The following SLC5A9 variants were observed in gnomAD, a reference collection of about 807,000 sequenced individuals.
SLC5A9 encodes the protein solute carrier family 5 member 9.
In SLC5A9, 59 loss-of-function variants were observed where a neutral mutation model predicts 70.9. That is an observed-to-expected ratio of 0.83 (90% CI 0.68 to 1.03). The LOEUF (loss-of-function observed/expected upper bound fraction) is 1.03, where lower values mean the gene tolerates loss of function less well. SLC5A9 is among the 50% of genes least tolerant of loss of function. SLC5A9 has a pLI of 0.00. For synonymous variants in SLC5A9, 340 were observed against 346.5 expected (o/e 0.98, Z 0.21); for missense variants, 832 against 881.1 (o/e 0.94, Z 0.71).
At position 48,239,642 on chromosome 1, in the gene SLC5A9, G is replaced by C; in HGVS notation, c.1677+105G>C. The C allele has an allele frequency of 1.9e-6, 2 of 1,078,452 alleles. No homozygotes were observed. Among genetic ancestry groups the C allele is most frequent in the South Asian group, 2.8e-5 (2 of 71,614 alleles). The allele number at this position is 1,078,452 out of a possible 1,614,324, so 66.8% of individuals were successfully genotyped here. Reference sequence around the variant, plus strand: ...ACTCTGTTGGGTTATGGTCTCCCCTGTGGCCACACAGATGTCCTTGGGAGG... The same window carrying C: ...ACTCTGTTGGGTTATGGTCTCCCCTCTGGCCACACAGATGTCCTTGGGAGG... On this transcript the variant is annotated intron_variant, in intron 12 of 13. Coordinates refer to ENST00000438567, the MANE Select transcript of SLC5A9 (RefSeq NM_001011547.3). The surrounding 1 kb of genome is among the most constrained non-coding windows in gnomAD (Gnocchi z 4.2).
chr1:48,229,777 G>A (rs1644222030), intron 4 of SLC5A9, among the ~76,000 whole-genome samples: 1 of 152,128 alleles, frequency 6.6e-6, no homozygotes. Flanking sequence ...GAGTTAGAAA[G>A]GTCTTTAGTC....
At chr1:48,244,497 A>G (rs1157450372) in intron 13 of SLC5A9, among the ~76,000 whole-genome samples, 1 of 151,790 alleles carries the variant, frequency 6.6e-6, no homozygotes, top group Non-Finnish European at 1.5e-5. Flanking sequence ...AATCCCACCA[A>G]GGTCTAAGGC....
At chr1:48,236,778 G>GC (rs1228779039) in intron 10 of SLC5A9, among the ~76,000 whole-genome samples, 1 of 152,126 alleles carries the variant, frequency 6.6e-6, no homozygotes, top group Non-Finnish European at 1.5e-5. Flanking sequence ...CCTACTGCTT[G>GC]CTCATCTGTG....
chr1:48,231,683 C>T, intron 6 of SLC5A9, 58 bp downstream of exon 6: 1 of 1,593,428 alleles, frequency 6.3e-7, no homozygotes, highest in Non-Finnish European at 8.5e-7. Context: ...TCTGTCCTGT[C>T]TCTGCCACCT....
intron 13 of SLC5A9, 81 bp downstream of exon 13, chr1:48,242,697 G>T: frequency 7.7e-7 from 1 of 1,293,612 alleles, no homozygotes; most frequent in Non-Finnish European, 1.0e-6. Flanking sequence ...CTTTGGGATG[G>T]GGACTCTGAG....
At chr1:48,234,845 G>A (rs1349314879) in intron 9 of SLC5A9, among the ~76,000 whole-genome samples, 1 of 152,106 alleles carries the variant, frequency 6.6e-6, no homozygotes, top group Admixed American at 6.5e-5. Flanking sequence ...AAGGGTCTCA[G>A]GTAGCCCTAA....
At position 48,235,889 on chromosome 1, in the gene SLC5A9, C is replaced by T; in HGVS notation, c.1292+10C>T. The T allele has an allele frequency of 3.1e-6, 5 of 1,614,044 alleles. No individual in the cohort carries two copies. Among genetic ancestry groups the T allele is most frequent in the Non-Finnish European group, 2.5e-6 (3 of 1,179,976 alleles). The stretch of plus-strand genomic sequence containing the variant: ...TGATGGTGGTGGGCAGGTGCGCCGG[C>T]CCCTCCTTCCCTCCTTCCGAAGTGC... On this transcript the variant is annotated intron_variant, in intron 10 of 13. Transcript: ENST00000438567.
rs566215874 is a variant in SLC5A9 at position 48,231,849 on chromosome 1, G to C, written c.692-97G>C. The C allele has an allele frequency of 8.9e-6, 14 of 1,576,198 alleles. No homozygotes were observed. In the African/African-American group the frequency reaches 1.7e-4, roughly 20 times the overall value. On this transcript the variant is annotated intron_variant, in intron 6 of 13. Coordinates refer to ENST00000438567, the MANE Select transcript of SLC5A9 (RefSeq NM_001011547.3). ...TCCTTCACCCCCAATCCCCATGCCA[G>C]TTCCAACCTGAGGGCCCACATGAGG...
chr1:48,229,480 G>GTCAC (rs1394730806), intron 4 of SLC5A9, 21 bp downstream of exon 4: 1 of 1,612,116 alleles, frequency 6.2e-7, no homozygotes, highest in Non-Finnish European at 8.5e-7. Context: ...CTGCAATGTG[G>GTCAC]TCACTGTGTC....
rs530532743 is a variant in SLC5A9 at position 48,233,616 on chromosome 1, C to A, written c.1034-39C>A. The A allele has an allele frequency of 1.4e-5, 22 of 1,531,256 alleles. No homozygotes were observed. In the South Asian group the frequency reaches 2.1e-4, roughly 15 times the overall value. The allele number at this position is 1,531,256 out of a possible 1,614,324, so 94.9% of individuals were successfully genotyped here. A position where few individuals can be genotyped will look rare whatever the true frequency, so the allele number is the denominator to read the frequency against. ...AATACTAGGCCAACCTGAGAAGGCA[C>A]GAGATCACGGACTCTAACTGCCATT... is the stretch of plus-strand genomic sequence containing the variant. On this transcript the variant is annotated intron_variant, in intron 8 of 13. Coordinates refer to ENST00000438567, the MANE Select transcript of SLC5A9 (RefSeq NM_001011547.3).
intron 13 of SLC5A9, among the ~76,000 whole-genome samples, chr1:48,244,870 GTGTATGTGTATATATATATATATATA>G (rs1644438688): frequency 8.9e-5 from 1 of 11,210 alleles, no homozygotes; most frequent in African/African-American, 4.1e-4. Context: ...GTGTATGTAT[GTGTATGTGTATATATATATATATATA>G]TATATATATA....
At chr1:48,237,139 T>C (rs1045013191) in intron 10 of SLC5A9, among the ~76,000 whole-genome samples, 1 of 151,914 alleles carries the variant, frequency 6.6e-6, no homozygotes, top group Non-Finnish European at 1.5e-5. Context: ...GCAGAATGCT[T>C]TGGGGACTTA....
intron 9 of SLC5A9, among the ~76,000 whole-genome samples, chr1:48,234,054 G>A (rs1351996174): frequency 6.6e-6 from 1 of 152,190 alleles, no homozygotes; most frequent in East Asian, 1.9e-4. Context: ...GACCAGTGTG[G>A]TGACCCAGTA....
intron 7 of SLC5A9, 64 bp downstream of exon 7, chr1:48,232,215 C>A (rs1416255626): frequency 3.9e-5 from 61 of 1,569,350 alleles, no homozygotes; most frequent in Non-Finnish European, 4.8e-5. Flanking sequence ...GCAGAAAAAC[C>A]CAGTGCCTGG....
chr1:48,242,986 G>T (rs1422835261), intron 13 of SLC5A9, among the ~76,000 whole-genome samples: 1 of 120,252 alleles, frequency 8.3e-6, no homozygotes. Context: ...GTAAAGAAGG[G>T]CATGGCTGAG....
Position 48,222,952 on chromosome 1 carries a change from C to T in SLC5A9, c.162+54C>T, listed in dbSNP as rs550555961. 9 of 1,590,028 alleles carry T rather than the reference C, an allele frequency of 5.7e-6. No homozygotes were observed. The East Asian group carries it at 1.3e-4, about 24-fold the overall frequency. On this transcript the variant is annotated intron_variant, in intron 1 of 13. Coordinates refer to ENST00000438567, the MANE Select transcript of SLC5A9 (RefSeq NM_001011547.3). ...AGGGGAGGTAGTAGTGGTCTCTCAG[C>T]TTGGGTGGGGCTGTGGAGCTGGGGC...
chr1:48,239,858 G>A lies in SLC5A9; in HGVS notation c.1677+321G>A, dbSNP rs969011171. Among the ~76,000 whole-genome samples, 3 of 152,192 alleles carry A rather than the reference G, an allele frequency of 2.0e-5. No homozygotes were observed. Among genetic ancestry groups the A allele is most frequent in the Admixed American group, 6.5e-5 (1 of 15,286 alleles). ...CACTATACAAAGAGAAAGTGCAGAA[G>A]GACCAAGCTCAACCAGAGGGGCCAA... On this transcript the variant is annotated intron_variant, in intron 12 of 13. Coordinates refer to ENST00000438567, the MANE Select transcript of SLC5A9 (RefSeq NM_001011547.3). The surrounding 1 kb of genome is among the most constrained non-coding windows in gnomAD (Gnocchi z 4.2).
At chr1:48,237,580 C>A in intron 10 of SLC5A9, 99 bp from the exon 11 acceptor site, 1 of 1,167,030 alleles carries the variant, frequency 8.6e-7, no homozygotes. Flanking sequence ...TTGTACATTC[C>A]CCTTCTTTCT....
chr1:48,240,101 G>A (rs1644375255), intron 12 of SLC5A9, among the ~76,000 whole-genome samples: 1 of 152,154 alleles, frequency 6.6e-6, no homozygotes, highest in African/African-American at 2.4e-5. Context: ...CTAGAGCTAG[G>A]GCTGCTGAAA....
Sources: gnomAD v4.1 joint callset for allele counts (sites outside exome capture counted in the v4.1 genomes callset) on GRCh38, gnomAD v4.1.1 for gene constraint, Gnocchi (gnomAD v3.1) non-coding constraint, MANE v1.5 for transcripts, NCBI Gene and HGNC (gene_info 2026-07-23, HGNC 2026-07-21) for gene names.